The following ANKRD26 variants were observed in gnomAD, a reference collection of about 807,000 sequenced individuals.
The protein encoded by ANKRD26 is ankyrin repeat domain 26, also known as ankyrin repeat domain-containing protein 26.
ANKRD26 carries 141 observed loss-of-function variants against 208.7 expected under a neutral mutation model. That is an observed-to-expected ratio of 0.68 (90% confidence interval 0.59 to 0.78). ANKRD26 has a LOEUF of 0.78. Ranked by LOEUF, ANKRD26 falls within the 30% of genes least tolerant of loss-of-function variation. ANKRD26 has a pLI of 0.00. For synonymous variants in ANKRD26, 636 were observed against 660.4 expected (o/e 0.96, Z 0.57); for missense variants, 1,889 against 1,938.7 (o/e 0.97, Z 0.48).
chr10:27,098,840 C>T (rs571135020), intron 1 of ANKRD26, among the ~76,000 whole-genome samples: 1 of 152,308 alleles, frequency 6.6e-6, no homozygotes, highest in Non-Finnish European at 1.5e-5. Context: ...TGAGACACCG[C>T]GCCTGGCCAA....
At position 27,042,480 on chromosome 10, in the gene ANKRD26, G is replaced by A. The variant is rs533061810; in HGVS notation, c.2161+946C>T. On this transcript the variant is annotated intron_variant, in intron 20 of 33. Coordinates refer to ENST00000376087, the MANE Select transcript of ANKRD26 (RefSeq NM_014915.3). ...AAAAATACAAAAAAGCTGGCAGGGC[G>A]TGGTGGCTCACGCCTGTAATCCCAG... Among the ~76,000 whole-genome samples, 728 of 152,060 alleles carry A rather than the reference G, an allele frequency of 4.8e-3. 1 individual carries two copies. Among genetic ancestry groups the A allele is most frequent in the Non-Finnish European group, 7.0e-3 (473 of 67,966 alleles).
At chr10:26,992,354 G>T (rs2052501963) in intron 5 of ANKRD26, among the ~76,000 whole-genome samples, 2 of 151,366 alleles carry the variant, frequency 1.3e-5, no homozygotes, top group Admixed American at 1.3e-4. Context: ...TTTTGAGCTT[G>T]TCCCTTGTCG....
intron 17 of ANKRD26, among the ~76,000 whole-genome samples, chr10:27,047,733 AATAATAATTATT>A (rs753426924): frequency 6.9e-6 from 1 of 145,596 alleles, no homozygotes. Context: ...TAATAATAAT[AATAATAATTATT>A]ATTATTATTA....
intron 4 of ANKRD26, among the ~76,000 whole-genome samples, chr10:27,086,993 T>C (rs1031957388): frequency 1.3e-5 from 2 of 152,086 alleles, no homozygotes; most frequent in South Asian, 2.1e-4. Flanking sequence ...AGGCTGGTCT[T>C]GAACTCCTGA....
At chr10:27,003,200 TA>T (rs1373163400), downstream of ANKRD26, among the ~76,000 whole-genome samples, 1 of 152,094 alleles carries the variant, frequency 6.6e-6, no homozygotes, top group Non-Finnish European at 1.5e-5. Flanking sequence ...AAAAGGAAGT[TA>T]AAAATACAGT....
At chr10:26,989,026 C>T (rs2052440491), downstream of ANKRD26, among the ~76,000 whole-genome samples, 1 of 152,028 alleles carries the variant, frequency 6.6e-6, no homozygotes, top group Non-Finnish European at 1.5e-5. Flanking sequence ...TTGAGATAAT[C>T]TTCTATGATA....
Position 27,082,663 on chromosome 10 carries a change from T to C in ANKRD26, c.740+140A>G, listed in dbSNP as rs555847196. The C allele has an allele frequency of 9.2e-5, 116 of 1,255,494 alleles. No homozygotes were observed. In the African/African-American group the frequency reaches 1.5e-3, roughly 17 times the overall value. The allele number at this position is 1,255,494 out of a possible 1,614,324, so 77.8% of individuals were successfully genotyped here. ...TGAACCACACAGTTGGGTTGTAATA[T>C]AGCACAGATACTTTGCAAAGCTGTT... On this transcript the variant is annotated intron_variant, in intron 6 of 33. Transcript: ENST00000376087.
At chr10:26,963,362 G>C in the ANKRD26 span, among the ~76,000 whole-genome samples, 7 of 152,096 alleles carry the variant, frequency 4.6e-5, no homozygotes, top group African/African-American at 1.7e-4. Flanking sequence ...CACTGTACTA[G>C]AGCCACAAAT....
intron 32 of ANKRD26, among the ~76,000 whole-genome samples, chr10:27,010,804 G>C (rs112472050): frequency 6.6e-6 from 1 of 151,970 alleles, no homozygotes; most frequent in Admixed American, 6.6e-5. Context: ...CATTGCACCC[G>C]GCCTACACAA....
intron 1 of ANKRD26, among the ~76,000 whole-genome samples, chr10:27,097,216 C>A (rs1271913179): frequency 1.3e-5 from 2 of 151,518 alleles, no homozygotes; most frequent in Non-Finnish European, 2.9e-5. Flanking sequence ...TGGCTCAAGC[C>A]TGTAATCTCA....
intron 4 of ANKRD26, among the ~76,000 whole-genome samples, chr10:27,089,014 G>T (rs1306826503): frequency 6.6e-6 from 1 of 152,186 alleles, no homozygotes; most frequent in Non-Finnish European, 1.5e-5. Context: ...AGGAACAATG[G>T]CTGGGCATAT....
downstream of ANKRD26, among the ~76,000 whole-genome samples, chr10:26,991,568 G>A (rs540681053): frequency 1.6e-4 from 24 of 151,994 alleles, no homozygotes; most frequent in East Asian, 4.3e-3. Flanking sequence ...TTAGCCTCCC[G>A]AGTAGCTGAG....
rs767184497 is a variant in ANKRD26, at chr10:27,064,125, G to T, written c.1270-44C>A. 6.0e-6 allele frequency: 8 copies of T among 1,323,282 alleles called. No individual in the cohort carries two copies. In the African/African-American group the frequency reaches 1.2e-4, roughly 19 times the overall value. 82.0% of individuals were successfully genotyped at this position (1,323,282 alleles called of 1,614,324 possible). On this transcript the variant is annotated intron_variant, in intron 11 of 33. Coordinates refer to ENST00000376087, the MANE Select transcript of ANKRD26 (RefSeq NM_014915.3). Reference sequence around the variant, plus strand: ...ATAATGAGTTTCAATTTTACAAAAAGAATGAATTGCTAAAGATTTTCTAAT... The same window carrying T: ...ATAATGAGTTTCAATTTTACAAAAATAATGAATTGCTAAAGATTTTCTAAT...
At chr10:26,958,456 C>T in the ANKRD26 span, among the ~76,000 whole-genome samples, 3 of 152,088 alleles carry the variant, frequency 2.0e-5, no homozygotes, top group Admixed American at 1.3e-4. Flanking sequence ...CCTTAACCCC[C>T]TACAGGTGCC....
chr10:27,057,955 A>C (rs1417217253), intron 15 of ANKRD26, among the ~76,000 whole-genome samples: 3 of 151,948 alleles, frequency 2.0e-5, no homozygotes, highest in Non-Finnish European at 2.9e-5. Flanking sequence ...AAAAAAGAAA[A>C]AAGAAAGAAA....
At chr10:27,023,979 TACAC>T (rs59987738) in intron 28 of ANKRD26, among the ~76,000 whole-genome samples, 45 of 142,152 alleles carry the variant, frequency 3.2e-4, no homozygotes, top group African/African-American at 9.4e-4. Context: ...ATTTTATTAC[TACAC>T]ACACACACAC....
rs768779673 is a variant in ANKRD26 at position 27,093,455 on chromosome 10, G to A, written c.425C>T (p.Ala142Val). Residue 142 changes from alanine to valine, a missense_variant, in exon 3 of 34, where the codon GCG becomes GTG. By Grantham distance (64) the Ala-to-Val change is moderately conservative. Transcript: ENST00000376087. ...AAGAGCAGTGTTGCCATGGACATCC[G>A]CAAGATTTGGATCAGCACCATGTTC... ...LLEHGADPNL[A>V]DVHGNTALHY... The A allele has an allele frequency of 7.3e-5, 118 of 1,614,006 alleles. 1 individual carries two copies. In the Admixed American group the frequency reaches 1.3e-3, roughly 18 times the overall value.
chr10:27,063,572 C>T (rs541470455), intron 12 of ANKRD26, among the ~76,000 whole-genome samples: 117 of 152,262 alleles, frequency 7.7e-4, no homozygotes, highest in African/African-American at 2.3e-3. Flanking sequence ...CTGCCCGCCT[C>T]GGCCTCCCAA....
the ANKRD26 span, among the ~76,000 whole-genome samples, chr10:26,960,893 T>C: frequency 6.6e-6 from 1 of 152,170 alleles, no homozygotes; most frequent in South Asian, 2.1e-4. Flanking sequence ...ATCCTATGAC[T>C]TTCATCCTCT....
Sources: gnomAD v4.1 joint callset for allele counts (sites outside exome capture counted in the v4.1 genomes callset) on GRCh38, gnomAD v4.1.1 for gene constraint, MANE v1.5 for transcripts, NCBI Gene and HGNC (gene_info 2026-07-23, HGNC 2026-07-21) for gene names.